Variants in VEPH1 observed in about 807,000 individuals in gnomAD.
VEPH1 encodes ventricular zone-expressed PH domain-containing protein homolog 1.
In VEPH1, 80 loss-of-function variants were observed where a neutral mutation model predicts 85.2. The observed-to-expected ratio is 0.94, with a 90% CI of 0.78 to 1.13. VEPH1 has a LOEUF of 1.13. VEPH1 is among the 50% of genes most tolerant of loss of function. The probability of loss-of-function intolerance (pLI) is 0.00; values close to 1 mark genes in which losing one functional copy is unlikely to be tolerated. For synonymous variants in VEPH1, 297 were observed against 348.0 expected (o/e 0.85, Z 1.63); for missense variants, 955 against 980.5 (o/e 0.97, Z 0.35).
At position 157,460,232 on chromosome 3, in the gene VEPH1, C is replaced by A. The variant is rs1238914335; in HGVS notation, c.478G>T (p.Ala160Ser). ...TCCGTGTGATCAGCCAGGAGATCTG[C>A]CTTGGTAATTGCAGCCAGAGACAGG... ...NYLSLAAITK[A>S]DLLADHTEVI... Residue 160 changes from alanine (A) to serine (S), a missense_variant, in exon 4 of 14, where the codon GCA (alanine) becomes TCA (serine). Coordinates refer to ENST00000362010, the MANE Select transcript of VEPH1 (RefSeq NM_001167912.2). 6 of 1,614,044 alleles carry A rather than the reference C, an allele frequency of 3.7e-6. No individual in the cohort carries two copies. The highest frequency in any genetic ancestry group is 5.1e-6 in the Non-Finnish European group (6 of 1,180,040).
At chr3:157,419,993 TA>T (rs1238519207) in intron 5 of VEPH1, among the ~76,000 whole-genome samples, 1 of 152,084 alleles carries the variant, frequency 6.6e-6, no homozygotes, top group African/African-American at 2.4e-5. Context: ...TATGCAGTCA[TA>T]AAAAGGAACA....
At chr3:157,349,011 G>T (rs115560223) in intron 9 of VEPH1, among the ~76,000 whole-genome samples, 165 of 152,306 alleles carry the variant, frequency 1.1e-3, no homozygotes, top group Non-Finnish European at 1.7e-3. Context: ...TGTGAGGCCA[G>T]CATATCCCTG....
chr3:157,384,507 CCTT>C (rs1729090335), intron 6 of VEPH1, among the ~76,000 whole-genome samples: 1 of 152,292 alleles, frequency 6.6e-6, no homozygotes, highest in African/African-American at 2.4e-5. Flanking sequence ...CATTAAGAAT[CCTT>C]CTCACTATAA....
intron 4 of VEPH1, chr3:157,437,016 T>A: frequency 6.2e-7 from 1 of 1,614,050 alleles, no homozygotes; most frequent in East Asian, 2.2e-5. Flanking sequence ...CTCATGTATG[T>A]GAATTTGGAC....
chr3:157,272,375 T>TTTCC lies in VEPH1; in HGVS notation c.2129-6714_2129-6713insGGAA, dbSNP rs200016080. Among the ~76,000 whole-genome samples, 13 of 94,970 alleles carry TTTCC rather than the reference T, an allele frequency of 1.4e-4. 1 individual carries two copies. The highest frequency in any genetic ancestry group is 4.1e-4 in the South Asian group (1 of 2,446). 62.3% of individuals were successfully genotyped at this position (94,970 alleles called of 152,430 possible). A position where few individuals can be genotyped will look rare whatever the true frequency, so the allele number is the denominator to read the frequency against. ...CTCTCTCTTTCTTTCTTTCTCTTTC[T>TTTCC]TTTCTTTCTTTCTTTCTTTCTTTCT... On this transcript the variant is annotated intron_variant, in intron 12 of 13. Transcript: ENST00000362010.
chr3:157,443,046 G>T, intron 4 of VEPH1: 1 of 1,525,738 alleles, frequency 6.6e-7, no homozygotes, highest in Non-Finnish European at 8.8e-7. Flanking sequence ...CAGTTGGGAA[G>T]GTCTGAAAAC....
At chr3:157,324,497 C>T (rs915864396) in intron 9 of VEPH1, among the ~76,000 whole-genome samples, 1 of 152,172 alleles carries the variant, frequency 6.6e-6, no homozygotes. Context: ...CTCTCCTCCT[C>T]CCCACCCTCC....
At chr3:157,461,373 T>G (rs1006660809) in intron 3 of VEPH1, among the ~76,000 whole-genome samples, 2 of 152,178 alleles carry the variant, frequency 1.3e-5, no homozygotes, top group African/African-American at 4.8e-5. Flanking sequence ...AAAAAAAAAC[T>G]GTGCAGTGCA....
At chr3:157,454,324 A>G (rs985172912) in intron 4 of VEPH1, among the ~76,000 whole-genome samples, 1 of 152,146 alleles carries the variant, frequency 6.6e-6, no homozygotes, top group African/African-American at 2.4e-5. Flanking sequence ...CTTTAGAGGG[A>G]AGCACAGGTT....
intron 3 of VEPH1, among the ~76,000 whole-genome samples, chr3:157,469,455 T>C (rs899061488): frequency 3.2e-4 from 48 of 152,118 alleles, no homozygotes; most frequent in African/African-American, 1.1e-3. Flanking sequence ...TAGTGTTGTG[T>C]TGGGAGTGGG....
chr3:157,391,270 C>T (rs1243783265), intron 6 of VEPH1, among the ~76,000 whole-genome samples: 1 of 152,188 alleles, frequency 6.6e-6, no homozygotes, highest in Non-Finnish European at 1.5e-5. Flanking sequence ...GCCAAAGCAG[C>T]ACCAAAAGAA....
chr3:157,382,106 C>A (rs182121685), intron 6 of VEPH1, among the ~76,000 whole-genome samples: 5 of 152,204 alleles, frequency 3.3e-5, no homozygotes, highest in African/African-American at 4.8e-5. Context: ...GCATATTCCA[C>A]TAGTGTGCTA....
intron 9 of VEPH1, among the ~76,000 whole-genome samples, chr3:157,362,765 G>T (rs1726193222): frequency 6.6e-6 from 1 of 152,136 alleles, no homozygotes; most frequent in African/African-American, 2.4e-5. Context: ...CGTAAGCTAG[G>T]CTAAGCTGTA....
At chr3:157,342,953 G>T (rs1326285104) in intron 9 of VEPH1, among the ~76,000 whole-genome samples, 1 of 152,154 alleles carries the variant, frequency 6.6e-6, no homozygotes, top group Non-Finnish European at 1.5e-5. Flanking sequence ...AATGAAGGCA[G>T]AAATAAAGAT....
At chr3:157,443,964 G>C (rs747605937) in intron 4 of VEPH1, among the ~76,000 whole-genome samples, 2 of 152,190 alleles carry the variant, frequency 1.3e-5, no homozygotes, top group Non-Finnish European at 2.9e-5. Flanking sequence ...AGATACACAT[G>C]ATGCTGCAAG....
At chr3:157,483,320 G>A (rs1303419983) in intron 2 of VEPH1, among the ~76,000 whole-genome samples, 1 of 151,982 alleles carries the variant, frequency 6.6e-6, no homozygotes, top group Non-Finnish European at 1.5e-5. Flanking sequence ...ACTCAACACA[G>A]ACCACTCAGT....
rs148394055 is a variant in VEPH1, at chr3:157,415,959, G to A, written c.697-1869C>T. 1.7e-4 allele frequency among the ~76,000 whole-genome samples: 26 copies of A among 152,180 alleles called. No homozygotes were observed. In the East Asian group the frequency reaches 4.3e-3, roughly 25 times the overall value. On this transcript the variant is annotated intron_variant, in intron 5 of 13. Transcript: ENST00000362010. ...TAGTGCCCTTGTGGAAGCTCCCAGT[G>A]TACCCTAAGTGGCCCTGAGCAGGTC...
intron 4 of VEPH1, among the ~76,000 whole-genome samples, chr3:157,432,988 C>T (rs1733284482): frequency 6.6e-6 from 1 of 152,072 alleles, no homozygotes; most frequent in African/African-American, 2.4e-5. Flanking sequence ...GCTATTTTTG[C>T]TACTGTAAAT....
chr3:157,461,585 G>A (rs1180624036), intron 3 of VEPH1, among the ~76,000 whole-genome samples: 5 of 152,092 alleles, frequency 3.3e-5, no homozygotes, highest in African/African-American at 7.2e-5. Context: ...TATATTCTTA[G>A]AATGAAATGT....
Sources: gnomAD v4.1 joint callset for allele counts (sites outside exome capture counted in the v4.1 genomes callset) on GRCh38, gnomAD v4.1.1 for gene constraint, MANE v1.5 for transcripts, NCBI Gene and HGNC (gene_info 2026-07-23, HGNC 2026-07-21) for gene names.